C10orf90: variants seen among roughly 807,000 people sequenced by gnomAD.
C10orf90 encodes (E2-independent) E3 ubiquitin-conjugating enzyme FATS.
A neutral mutation model predicts 62.5 loss-of-function variants in C10orf90; 56 were observed. The ratio of observed to expected loss-of-function variants is 0.90; its 90% confidence interval spans 0.72 to 1.12. C10orf90 has a LOEUF of 1.12. Among genes scored for constraint, C10orf90 ranks in the 50% most tolerant of loss-of-function variants. C10orf90 has a pLI of 0.00. For synonymous variants in C10orf90, 386 were observed against 340.4 expected, an observed-to-expected ratio of 1.13 and a Z score of -1.47; for missense variants, 970 against 880.4, an observed-to-expected ratio of 1.10 and a Z score of -1.29.
At chr10:126,519,009 T>A (rs1480313580) in intron 2 of C10orf90, among the ~76,000 whole-genome samples, 3 of 152,170 alleles carry the variant, frequency 2.0e-5, no homozygotes, top group Admixed American at 2.0e-4. Flanking sequence ...AGATGCTTTC[T>A]TTTTCCAGCA....
intron 7 of C10orf90, among the ~76,000 whole-genome samples, chr10:126,440,964 C>T (rs1156918999): frequency 6.6e-6 from 1 of 152,174 alleles, no homozygotes; most frequent in African/African-American, 2.4e-5. Flanking sequence ...TATGACAAAA[C>T]ATATTAGGCT....
intron 2 of C10orf90, among the ~76,000 whole-genome samples, chr10:126,608,148 G>C (rs1845353893): frequency 6.6e-6 from 1 of 152,172 alleles, no homozygotes; most frequent in Non-Finnish European, 1.5e-5. Flanking sequence ...TTGCTCTGTT[G>C]CCCAAGCTGG....
intron 2 of C10orf90, among the ~76,000 whole-genome samples, chr10:126,539,278 C>T (rs942040515): frequency 2.6e-5 from 4 of 152,310 alleles, no homozygotes; most frequent in Non-Finnish European, 5.9e-5. Flanking sequence ...GGGTTCTGTT[C>T]CACAGCAGAG....
intron 7 of C10orf90, among the ~76,000 whole-genome samples, chr10:126,457,818 T>C (rs1712220688): frequency 6.6e-6 from 1 of 152,176 alleles, no homozygotes. Context: ...TTTCTCTTTA[T>C]TAGGCCAGAG....
intron 2 of C10orf90, among the ~76,000 whole-genome samples, chr10:126,611,549 T>A (rs776373603): frequency 6.6e-6 from 1 of 152,252 alleles, no homozygotes; most frequent in Non-Finnish European, 1.5e-5. Context: ...ATTTAACCTT[T>A]GGAGGAGCTG....
intron 2 of C10orf90, among the ~76,000 whole-genome samples, chr10:126,560,654 G>C (rs1271688199): frequency 3.3e-5 from 5 of 152,148 alleles, no homozygotes; most frequent in African/African-American, 9.7e-5. Context: ...GGAGACGCCT[G>C]CTCTTCTGTG....
At chr10:126,529,999 G>C (rs7068991) in intron 2 of C10orf90, among the ~76,000 whole-genome samples, 10,411 of 151,970 alleles carry the variant, frequency 0.069, 1,174 homozygotes, top group African/African-American at 0.23. Flanking sequence ...TAAAAAAATG[G>C]ATCTTAAACT....
chr10:126,491,710 A>G (rs1346507381), intron 4 of C10orf90, among the ~76,000 whole-genome samples: 1 of 152,240 alleles, frequency 6.6e-6, no homozygotes, highest in Non-Finnish European at 1.5e-5. Context: ...CTAGAAGGAA[A>G]CAATTGTATA....
intron 2 of C10orf90, among the ~76,000 whole-genome samples, chr10:126,587,051 C>G (rs1227291827): frequency 6.6e-6 from 1 of 151,498 alleles, no homozygotes; most frequent in Non-Finnish European, 1.5e-5. Flanking sequence ...ATTGTAATAG[C>G]TGAAGAGGGG....
At chr10:126,558,206 A>T (rs1339177686) in intron 2 of C10orf90, among the ~76,000 whole-genome samples, 1 of 152,086 alleles carries the variant, frequency 6.6e-6, no homozygotes, top group Admixed American at 6.5e-5. Flanking sequence ...TACTTGTATT[A>T]CTTTGCCAGT....
At chr10:126,496,592 C>T in intron 4 of C10orf90, 2 of 890,804 alleles carry the variant, frequency 2.2e-6, no homozygotes, top group Non-Finnish European at 2.7e-6. Flanking sequence ...ATTTCCCCCG[C>T]CACCCTCCAC....
chr10:126,486,163 G>A (rs1338021660), intron 4 of C10orf90, among the ~76,000 whole-genome samples: 1 of 152,066 alleles, frequency 6.6e-6, no homozygotes, highest in African/African-American at 2.4e-5. Flanking sequence ...TGAGAATGTA[G>A]GAAGTCAGAC....
At chr10:126,514,551 A>G (rs1863325200) in intron 2 of C10orf90, among the ~76,000 whole-genome samples, 1 of 152,212 alleles carries the variant, frequency 6.6e-6, no homozygotes, top group Admixed American at 6.5e-5. Context: ...AGAACTGGAG[A>G]ACCGGGATTC....
chr10:126,468,045 A>G (rs545489583), intron 4 of C10orf90, among the ~76,000 whole-genome samples: 55 of 151,162 alleles, frequency 3.6e-4, no homozygotes, highest in African/African-American at 1.2e-3. Flanking sequence ...ATATGTTTTT[A>G]TATCAAAATT....
chr10:126,635,617 A>G (rs1351091896), intron 2 of C10orf90, among the ~76,000 whole-genome samples: 2 of 152,200 alleles, frequency 1.3e-5, no homozygotes, highest in African/African-American at 4.8e-5. Flanking sequence ...TGAGAAAGCA[A>G]TCAGTGTCAC....
At chr10:126,623,623 T>C (rs1251654632) in intron 2 of C10orf90, among the ~76,000 whole-genome samples, 2 of 151,888 alleles carry the variant, frequency 1.3e-5, no homozygotes, top group Non-Finnish European at 2.9e-5. Flanking sequence ...GGGTGGATCA[T>C]TTGAGGTTAG....
chr10:126,627,806 T>C (rs1845775647), intron 2 of C10orf90, among the ~76,000 whole-genome samples: 1 of 152,192 alleles, frequency 6.6e-6, no homozygotes, highest in African/African-American at 2.4e-5. Flanking sequence ...CAGGTTGGTC[T>C]TGAAATTGTG....
At chr10:126,525,490 G>T (rs1440093000) in intron 2 of C10orf90, among the ~76,000 whole-genome samples, 1 of 152,190 alleles carries the variant, frequency 6.6e-6, no homozygotes, top group South Asian at 2.1e-4. Context: ...AATGTCTAGA[G>T]CCCAGAGCCG....
intron 8 of C10orf90, among the ~76,000 whole-genome samples, chr10:126,427,129 A>C (rs1857312194): frequency 6.6e-6 from 1 of 152,234 alleles, no homozygotes; most frequent in Non-Finnish European, 1.5e-5. Flanking sequence ...GCTACTTGTG[A>C]GATCCGGGAA....
Sources: allele counts gnomAD v4.1 joint callset (sites outside exome capture counted in the v4.1 genomes callset), GRCh38; gene constraint gnomAD v4.1.1; transcripts MANE v1.5; gene names NCBI Gene and HGNC (gene_info 2026-07-23, HGNC 2026-07-21).